The following FBN1 variants were observed in gnomAD, a reference collection of about 807,000 sequenced individuals.
FBN1 encodes fibrillin-1.
In FBN1, 29 loss-of-function variants were observed where a neutral mutation model predicts 365.1. The observed-to-expected ratio is 0.08, with a 90% confidence interval of 0.06 to 0.11. The LOEUF (loss-of-function observed/expected upper bound fraction) is 0.11, where lower values mean the gene tolerates loss of function less well. FBN1 is among the 10% of genes least tolerant of loss of function. The pLI is 1.00. For missense variants in FBN1, 2,476 were observed against 3,703.2 expected (o/e 0.67, Z 8.60); for synonymous variants, 1,210 against 1,270.5 (o/e 0.95, Z 1.01).
intron 53 of FBN1, 24 bp downstream of exon 53, chr15:48,436,937 T>C (rs2043076912): frequency 7.2e-7 from 1 of 1,386,584 alleles, no homozygotes; most frequent in Non-Finnish European, 1.0e-6. Flanking sequence ...GTAAAGTTCC[T>C]ATGGAAGAAA....
At chr15:48,593,477 GATCAT>G (rs1271644286) in intron 6 of FBN1, among the ~76,000 whole-genome samples, 1 of 152,184 alleles carries the variant, frequency 6.6e-6, no homozygotes, top group African/African-American at 2.4e-5. Flanking sequence ...GGACCTGAAA[GATCAT>G]TCTTCTGAAA....
intron 41 of FBN1, 73 bp from the exon 42 acceptor site, chr15:48,463,313 G>C: frequency 7.2e-7 from 1 of 1,381,588 alleles, no homozygotes; most frequent in Non-Finnish European, 1.0e-6. Context: ...ATTTCTAAGT[G>C]GATACTCAAC....
Position 48,516,501 on chromosome 15 carries a change from GAAAAAGAACC to G in FBN1, c.1148-149_1148-140del, listed in dbSNP as rs1441809364. The G allele has an allele frequency of 3.2e-5, 28 of 874,918 alleles. No individual in the cohort carries two copies. The East Asian group carries it at 6.9e-4, about 22-fold the overall frequency. The allele number at this position is 874,918 out of a possible 1,614,324, so 54.2% of individuals were successfully genotyped here. ...AAATTCACAGGTCAACTGGAGAAAA[GAAAAAGAACC>G]AACTGACTGGATTCCCATTTTTAAT... On this transcript the variant is annotated intron_variant, in intron 10 of 65. Transcript: ENST00000316623.
At chr15:48,511,519 A>G (rs1475569464) in intron 13 of FBN1, among the ~76,000 whole-genome samples, 3 of 152,110 alleles carry the variant, frequency 2.0e-5, no homozygotes, top group African/African-American at 7.2e-5. Context: ...CAATTTCAGA[A>G]TGTCATGGGG....
At position 48,483,597 on chromosome 15, in the gene FBN1, G is replaced by A. The variant is rs141168643; in HGVS notation, c.3838+221C>T. On this transcript the variant is annotated intron_variant, in intron 31 of 65. Coordinates refer to ENST00000316623, the MANE Select transcript of FBN1 (RefSeq NM_000138.5). ...AAAGAAATGTCCATCTGGAGCTGAC[G>A]AATGGCCAGTCAGTCCTCATAACAT... 2.2e-3 allele frequency among the ~76,000 whole-genome samples: 330 copies of A among 152,316 alleles called. 1 individual carries two copies. Among genetic ancestry groups the A allele is most frequent in the African/African-American group, 7.6e-3 (314 of 41,570 alleles).
intron 24 of FBN1, among the ~76,000 whole-genome samples, chr15:48,491,572 C>T (rs909897217): frequency 1.3e-5 from 2 of 152,144 alleles, no homozygotes; most frequent in Non-Finnish European, 2.9e-5. Context: ...AAGATGGTCT[C>T]GATCTCCTGA....
At chr15:48,552,187 A>C (rs558775302) in intron 6 of FBN1, among the ~76,000 whole-genome samples, 1 of 152,206 alleles carries the variant, frequency 6.6e-6, no homozygotes, top group East Asian at 1.9e-4. Context: ...ACTTTTTAAT[A>C]GCAGCTTTAA....
intron 14 of FBN1, among the ~76,000 whole-genome samples, chr15:48,509,524 TATGA>T (rs1158157119): frequency 2.0e-5 from 3 of 148,092 alleles, no homozygotes; most frequent in Admixed American, 1.4e-4. Flanking sequence ...ATATGTATTT[TATGA>T]ATATTATCTA....
At chr15:48,526,376 A>C (rs187297161) in intron 8 of FBN1, 121 bp from the exon 9 acceptor site, 35 of 1,053,074 alleles carry the variant, frequency 3.3e-5, no homozygotes, top group Admixed American at 3.3e-4. Context: ...CATCATTAAA[A>C]AGTAAAAACC....
intron 15 of FBN1, among the ~76,000 whole-genome samples, chr15:48,505,745 A>G (rs1231310818): frequency 1.3e-5 from 2 of 152,238 alleles, no homozygotes; most frequent in Non-Finnish European, 2.9e-5. Context: ...GGAACCCAGC[A>G]AAGAAAAATC....
intron 9 of FBN1, among the ~76,000 whole-genome samples, chr15:48,523,719 G>A (rs925809109): frequency 6.7e-5 from 10 of 149,942 alleles, no homozygotes; most frequent in Non-Finnish European, 1.5e-4. Flanking sequence ...CTGGGGGGGG[G>A]GGGGAACCGT....
intron 8 of FBN1, 31 bp downstream of exon 8, chr15:48,534,048 AC>A (rs528202607): frequency 8.8e-5 from 138 of 1,571,652 alleles, no homozygotes; most frequent in Admixed American, 2.6e-4. Context: ...CCCCCACTAC[AC>A]CCCCCAACTG....
chr15:48,614,380 A>G (rs612617), intron 2 of FBN1, among the ~76,000 whole-genome samples: 32,742 of 152,178 alleles, frequency 0.22, 3,679 homozygotes, highest in Middle Eastern at 0.25. Context: ...GCACTCCCAC[A>G]TTCTCTTTGT....
chr15:48,634,415 G>A (rs1252556251), intron 2 of FBN1, among the ~76,000 whole-genome samples: 1 of 152,086 alleles, frequency 6.6e-6, no homozygotes, highest in Non-Finnish European at 1.5e-5. Flanking sequence ...AGGTCGCCTG[G>A]TCCCAATGCT....
chr15:48,644,838 C>G lies in FBN1; in HGVS notation c.-69G>C. 3 of 1,426,426 alleles carry G rather than the reference C, an allele frequency of 2.1e-6. No homozygotes were observed. Among genetic ancestry groups the G allele is most frequent in the Non-Finnish European group, 9.2e-7 (1 of 1,090,870 alleles). The allele number at this position is 1,426,426 out of a possible 1,614,324, so 88.4% of individuals were successfully genotyped here. ...GGGGCTCGGTCTGCGGCCGCCGCTG[C>G]GCCCTGAAGCGCACCGCGCCGCCGG... On this transcript the variant is annotated 5_prime_UTR_variant, in exon 2 of 66. Transcript: ENST00000316623.
chr15:48,634,818 G>A (rs1308869379), intron 2 of FBN1, among the ~76,000 whole-genome samples: 3 of 85,156 alleles, frequency 3.5e-5, no homozygotes, highest in Admixed American at 1.5e-4. Flanking sequence ...AACAGAACCG[G>A]AAAAGGAAGA....
chr15:48,428,421 G>A lies in FBN1; in HGVS notation c.6922C>T (p.Leu2308Phe). ...CAGGTGTAGCTCCCACGGGTGTTGA[G>A]GCAGCGCCCATTCTCACAGATCCCT... Reference protein sequence around the residue: ...KPGICENGRCLNTRGSYTCEC... With the variant: ...KPGICENGRCFNTRGSYTCEC... Residue 2308 changes from leucine (L) to phenylalanine (F), a missense_variant, in exon 57 of 66, where the codon CTC becomes TTC. Leu to Phe is a conservative substitution (Grantham distance 22, BLOSUM62 0). Coordinates refer to ENST00000316623, the MANE Select transcript of FBN1 (RefSeq NM_000138.5). 1 of 1,614,014 alleles carries A rather than the reference G, an allele frequency of 6.2e-7. No individual in the cohort carries two copies. The highest frequency in any genetic ancestry group is 8.5e-7 in the Non-Finnish European group (1 of 1,179,946).
chr15:48,483,390 A>G (rs965670384), intron 31 of FBN1, among the ~76,000 whole-genome samples: 5 of 152,246 alleles, frequency 3.3e-5, no homozygotes, highest in African/African-American at 1.2e-4. Flanking sequence ...TCGTAGAAGA[A>G]AAGTTTATCA....
chr15:48,490,038 C>G lies in FBN1; in HGVS notation c.2895G>C (p.Glu965Asp). ...GGCCAGCAATAGGCAGGGTGCACTCCTCGTCCTCGTACCTCAGGAAGCAGG... is the reference window on the plus strand; with the variant it reads ...GGCCAGCAATAGGCAGGGTGCACTCGTCGTCCTCGTACCTCAGGAAGCAGG... ...LETCFLRYED[E>D]ECTLPIAGRH... The change falls in exon 25 of 66, where the codon GAG (glutamate) becomes GAC (aspartate). Residue 965 changes from glutamate to aspartate, a missense_variant. Glu to Asp is a conservative substitution (Grantham distance 45). Around this residue, in one of 5 missense-constraint regions of FBN1, gnomAD observed 1,780 missense variants for 2,840.8 expected, o/e 0.63. Coordinates refer to ENST00000316623, the MANE Select transcript of FBN1 (RefSeq NM_000138.5). The G allele has an allele frequency of 1.2e-6, 2 of 1,614,148 alleles. No homozygotes were observed. The highest frequency in any genetic ancestry group is 1.7e-6 in the Non-Finnish European group (2 of 1,180,040).
Sources: allele counts gnomAD v4.1 joint callset (sites outside exome capture counted in the v4.1 genomes callset), GRCh38; gene constraint gnomAD v4.1.1; regional missense constraint gnomAD v4.1.1; transcripts MANE v1.5; gene names NCBI Gene and HGNC (gene_info 2026-07-23, HGNC 2026-07-21).